DHX38: variants seen among roughly 807,000 people sequenced by gnomAD.
The protein encoded by DHX38 is DEAH-box helicase 38.
In DHX38, 100 loss-of-function variants were observed where a neutral mutation model predicts 153.1. The ratio of observed to expected loss-of-function variants is 0.65; its 90% CI spans 0.56 to 0.77. The LOEUF is 0.77. Among genes scored for constraint, DHX38 ranks in the 30% least tolerant of loss-of-function variants. The probability of loss-of-function intolerance (pLI) is 0.00; values close to 1 mark genes in which losing one functional copy is unlikely to be tolerated. For synonymous variants in DHX38, 650 were observed against 631.7 expected (o/e 1.03, Z -0.43); for missense variants, 1,440 against 1,654.0 (o/e 0.87, Z 2.24).
In DHX38 at chr16:72,097,788, T is replaced by G. The variant is rs1187662083; in HGVS notation, c.616+7T>G. ...CCACGACATCGACCTAAAGGTAGACTCACTGTTTTGGTGGCTTGTGAGGAT... is the reference window on the plus strand; with the variant it reads ...CCACGACATCGACCTAAAGGTAGACGCACTGTTTTGGTGGCTTGTGAGGAT... On this transcript the variant is annotated splice_region_variant and intron_variant, in intron 4 of 26. Transcript: ENST00000268482. 3.1e-6 allele frequency: 5 copies of G among 1,611,680 alleles called. No individual in the cohort carries two copies. In the South Asian group the frequency reaches 5.5e-5, roughly 18 times the overall value.
Position 72,105,559 on chromosome 16 carries a change from G to A in DHX38, c.2422G>A (p.Ala808Thr), listed in dbSNP as rs749485497. 1.2e-6 allele frequency: 2 copies of A among 1,614,030 alleles called. No homozygotes were observed. The highest frequency in any genetic ancestry group is 2.7e-5 in the African/African-American group (2 of 74,896). ...VRKCIVATNI[A>T]ETSLTVDGIM... The stretch of plus-strand genomic sequence containing the variant: ...GAAGTGCATCGTTGCCACCAATATT[G>A]CCGAGACGTCTCTCACTGTTGACGG... The change falls in exon 18 of 27, where the codon GCC becomes ACC. Residue 808 changes from alanine (A) to threonine (T), a missense_variant. Ala to Thr is a moderately conservative substitution (Grantham distance 58, BLOSUM62 0). This residue lies in a region of DHX38 where 543 missense variants were observed against 717.9 expected (regional missense o/e 0.76). Transcript: ENST00000268482.
At position 72,107,655 on chromosome 16, in the gene DHX38, C is replaced by G; in HGVS notation, c.2820C>G (p.Thr940=). 1 of 1,614,148 alleles carries G rather than the reference C, an allele frequency of 6.2e-7. No individual in the cohort carries two copies. The highest frequency in any genetic ancestry group is 8.5e-7 in the Non-Finnish European group (1 of 1,180,018). ...LGALDNTGGL[T]STGRLMVEFP... The stretch of plus-strand genomic sequence containing the variant: ...GCTCATCTCTCCTAGGTGGTCTGAC[C>G]TCTACCGGGCGGCTGATGGTGGAGT... The change falls in exon 21 of 27, where the codon ACC becomes ACG. Residue 940 remains threonine (T), a synonymous_variant. Coordinates refer to ENST00000268482, the MANE Select transcript of DHX38 (RefSeq NM_014003.4). This position sits in a 1 kb window ranked among gnomAD's most constrained non-coding sequence, Gnocchi z 5.3.
chr16:72,103,578 C>T lies in DHX38; in HGVS notation c.1638-24C>T, dbSNP rs374191204. Reference sequence around the variant, plus strand: ...TTGGCCTTCCACTTCGGCTGATAAGCCCTTTGCCTGCTTGTCCTTGTAGAG... The same window carrying T: ...TTGGCCTTCCACTTCGGCTGATAAGTCCTTTGCCTGCTTGTCCTTGTAGAG... On this transcript the variant is annotated intron_variant, in intron 12 of 26. Transcript: ENST00000268482. The T allele has an allele frequency of 5.0e-6, 8 of 1,593,560 alleles. 1 individual carries two copies. The South Asian group carries it at 7.7e-5, about 15-fold the overall frequency.
In DHX38 at chr16:72,104,775, G is replaced by A. The variant is rs2042150374; in HGVS notation, c.2151+149G>A. On this transcript the variant is annotated intron_variant, in intron 15 of 26. Transcript: ENST00000268482. The surrounding 1 kb of genome is among the most constrained non-coding windows in gnomAD (Gnocchi z 4.5). ...GGCAAATGGGGCAGCCTGCAGCTCT[G>A]GGACTCGGGGACAAAGGACTCTGCT... The A allele has an allele frequency of 1.7e-6, 2 of 1,146,820 alleles. No individual in the cohort carries two copies. Among genetic ancestry groups the A allele is most frequent in the Non-Finnish European group, 2.5e-6 (2 of 798,530 alleles). The allele number at this position is 1,146,820 out of a possible 1,614,324, so 71.0% of individuals were successfully genotyped here.
Position 72,101,159 on chromosome 16 carries a change from T to A in DHX38, c.1352T>A (p.Val451Glu). The change falls in exon 10 of 27, where the codon GTG becomes GAG. Residue 451 changes from valine (V) to glutamate (E), a missense_variant. Physicochemically the swap from Val to Glu is moderately radical, Grantham distance 121. Transcript: ENST00000268482. The stretch of plus-strand genomic sequence containing the variant: ...ATTGCTCGGAAAGGCAGCCAGACAG[T>A]GCGGAAGCACAGGGAGCAGAAGGAG... ...AIIARKGSQT[V>E]RKHREQKERK... 6.2e-7 allele frequency: 1 copy of A among 1,614,256 alleles called. No individual in the cohort carries two copies. The highest frequency in any genetic ancestry group is 8.5e-7 in the Non-Finnish European group (1 of 1,180,046).
chr16:72,097,093 A>G (rs2042032127), intron 3 of DHX38, 84 bp downstream of exon 3: 11 of 1,465,470 alleles, frequency 7.5e-6, no homozygotes, highest in Non-Finnish European at 8.3e-6. Context: ...AGTTTTTGCA[A>G]CACCCATTTG....
chr16:72,102,405 G>T (rs2042113622), intron 11 of DHX38, among the ~76,000 whole-genome samples: 2 of 152,210 alleles, frequency 1.3e-5, no homozygotes, highest in Admixed American at 1.3e-4. Context: ...TGGGGAGGGG[G>T]TTGGGGAGGG....
intron 11 of DHX38, among the ~76,000 whole-genome samples, chr16:72,102,516 T>C (rs1597443253): frequency 1.3e-5 from 2 of 152,214 alleles, no homozygotes; most frequent in African/African-American, 4.8e-5. Context: ...GTGTCAGACA[T>C]TGAGAGCTTT....
Position 72,097,766 on chromosome 16 carries a change from C to T in DHX38, c.601C>T (p.Arg201Ter), listed in dbSNP as rs2144134187. The change falls in exon 4 of 27, where the codon CGA becomes TGA. Residue 201 changes from arginine to a stop codon, truncating the protein, a stop_gained. Transcript: ENST00000268482. LOFTEE classifies it high-confidence loss of function. ...SSRRNEPESP[R>*]HRPKDAATPS... ...CAGAAGAAATGAACCCGAGAGCCCA[C>T]GACATCGACCTAAAGGTAGACTCAC... 2.5e-6 allele frequency: 4 copies of T among 1,613,616 alleles called. No individual in the cohort carries two copies. Among genetic ancestry groups the T allele is most frequent in the Non-Finnish European group, 2.5e-6 (3 of 1,179,724 alleles).
rs1182658639 is a variant in DHX38, at chr16:72,107,594, T to C, written c.2809+46T>C. The C allele has an allele frequency of 6.2e-7, 1 of 1,609,352 alleles. No homozygotes were observed. Among genetic ancestry groups the C allele is most frequent in the East Asian group, 2.2e-5 (1 of 44,730 alleles). On this transcript the variant is annotated intron_variant, in intron 20 of 26. Transcript: ENST00000268482. The surrounding 1 kb of genome is among the most constrained non-coding windows in gnomAD (Gnocchi z 5.3). ...TCATGGGTGCTGGCGCTTGACTTCCTTCTTTCCTCTACTGTCCCGTCAAAT... is the reference window on the plus strand; with the variant it reads ...TCATGGGTGCTGGCGCTTGACTTCCCTCTTTCCTCTACTGTCCCGTCAAAT...
intron 8 of DHX38, 141 bp from the exon 9 acceptor site, chr16:72,100,295 G>T (rs1220244282): frequency 8.7e-7 from 1 of 1,149,054 alleles, no homozygotes; most frequent in South Asian, 1.5e-5. Flanking sequence ...TCTGTCTTTG[G>T]AGCTGTGGGT....
rs1387121548 is a variant in DHX38, at chr16:72,111,985, C to T, written c.3600-428C>T. ...AACTCAAGGGGTTCACCAAGAGTCA[C>T]CTCATTAGCATAATCTCTCAAACGA... is the stretch of plus-strand genomic sequence containing the variant. On this transcript the variant is annotated intron_variant, in intron 26 of 26. Coordinates refer to ENST00000268482, the MANE Select transcript of DHX38 (RefSeq NM_014003.4). Among the ~76,000 whole-genome samples, 3 of 152,158 alleles carry T rather than the reference C, an allele frequency of 2.0e-5. No individual in the cohort carries two copies. In the East Asian group the frequency reaches 5.8e-4, roughly 29 times the overall value.
At chr16:72,096,117 A>G in intron 1 of DHX38, 22 bp from the exon 2 acceptor site, 1 of 1,567,306 alleles carries the variant, frequency 6.4e-7, no homozygotes, top group Non-Finnish European at 8.7e-7. Flanking sequence ...CTCTAGTACC[A>G]AATGGTTTGC....
chr16:72,101,036 G>GC (rs781701987), intron 9 of DHX38, 50 bp from the exon 10 acceptor site: 3 of 1,555,414 alleles, frequency 1.9e-6, no homozygotes, highest in South Asian at 2.2e-5. Context: ...TATGAACATG[G>GC]CCTTCTTGCT....
intron 25 of DHX38, 151 bp from the exon 26 acceptor site, chr16:72,110,805 G>A (rs971923316): frequency 1.9e-5 from 20 of 1,047,606 alleles, no homozygotes; most frequent in African/African-American, 3.3e-5. Context: ...CTGCAGAAGA[G>A]AAGGCGGCTT....
intron 24 of DHX38, 114 bp downstream of exon 24, chr16:72,109,039 C>G: frequency 6.9e-7 from 1 of 1,441,740 alleles, no homozygotes; most frequent in South Asian, 1.4e-5. Flanking sequence ...AGGCCACATG[C>G]ATTGTTTTGC....
At chr16:72,095,112 A>G (rs562288011) in intron 1 of DHX38, among the ~76,000 whole-genome samples, 1 of 152,360 alleles carries the variant, frequency 6.6e-6, no homozygotes, top group African/African-American at 2.4e-5. Flanking sequence ...TTCTGGTGGC[A>G]TCTCCTTTGC....
chr16:72,099,598 T>C, intron 7 of DHX38, 134 bp from the exon 8 acceptor site: 1 of 1,260,664 alleles, frequency 7.9e-7, no homozygotes, highest in Non-Finnish European at 1.1e-6. Flanking sequence ...CAGGGAGGCC[T>C]CTCCTGCACC....
In DHX38 at chr16:72,096,245, A is replaced by C; in HGVS notation, c.88A>C (p.Lys30Gln). The C allele has an allele frequency of 1.2e-6, 2 of 1,614,182 alleles. No homozygotes were observed. The highest frequency in any genetic ancestry group is 1.7e-6 in the Non-Finnish European group (2 of 1,180,034). The change falls in exon 2 of 27, where the codon AAA (lysine) becomes CAA (glutamine). Residue 30 changes from lysine to glutamine, a missense_variant. Physicochemically the swap from Lys to Gln is moderately conservative, Grantham distance 53. Around this residue, in one of 6 missense-constraint regions of DHX38, gnomAD observed 483 missense variants for 465.1 expected, o/e 1.04. Transcript: ENST00000268482. ...GGTTGGTGGTCTTATTTGCAAGTCC[A>C]AAAGTGCGGCCAGCGAGCAGCATGT... The part of the protein sequence containing the change: ...CQVGGLICKS[K>Q]SAASEQHVFK...
Sources: gnomAD v4.1 joint callset for allele counts (sites outside exome capture counted in the v4.1 genomes callset) on GRCh38, gnomAD v4.1.1 for gene constraint, gnomAD v4.1.1 regional missense constraint, Gnocchi (gnomAD v3.1) non-coding constraint, MANE v1.5 for transcripts, NCBI Gene and HGNC (gene_info 2026-07-23, HGNC 2026-07-21) for gene names.